Variants in PRKAR2A observed in about 807,000 individuals in gnomAD.
The protein encoded by PRKAR2A is cAMP-dependent protein kinase type II-alpha regulatory subunit.
In PRKAR2A, 29 loss-of-function variants were observed where a neutral mutation model predicts 51.9. That is an observed-to-expected ratio of 0.56 (90% CI 0.42 to 0.76). The LOEUF (loss-of-function observed/expected upper bound fraction) is 0.76. Among genes scored for constraint, PRKAR2A ranks in the 30% least tolerant of loss-of-function variants. The probability of loss-of-function intolerance (pLI) is 0.00; values close to 1 mark genes in which losing one functional copy is unlikely to be tolerated. For missense variants in PRKAR2A, 445 were observed against 512.1 expected, an observed-to-expected ratio of 0.87 and a Z score of 1.26; for synonymous variants, 178 against 186.2, an observed-to-expected ratio of 0.96 and a Z score of 0.36.
At chr3:48,767,510 C>T (rs1267815630) in intron 6 of PRKAR2A, among the ~76,000 whole-genome samples, 3 of 151,776 alleles carry the variant, frequency 2.0e-5, no homozygotes, top group African/African-American at 7.2e-5. Flanking sequence ...ATATTTTAGG[C>T]TGTGTGTGGT....
At chr3:48,791,285 TA>T (rs35380085) in intron 3 of PRKAR2A, among the ~76,000 whole-genome samples, 345 of 43,772 alleles carry the variant, frequency 7.9e-3, no homozygotes, top group African/African-American at 0.012. Context: ...GATTCCATCT[TA>T]AAAAAAAAAA....
At chr3:48,790,050 CTT>C (rs1381717215) in intron 4 of PRKAR2A, among the ~76,000 whole-genome samples, 1 of 151,824 alleles carries the variant, frequency 6.6e-6, no homozygotes. Context: ...TTCTCTTGTG[CTT>C]TGGGGCCATT....
chr3:48,789,963 T>G (rs1425199759), intron 4 of PRKAR2A, among the ~76,000 whole-genome samples: 1 of 152,054 alleles, frequency 6.6e-6, no homozygotes, highest in Non-Finnish European at 1.5e-5. Flanking sequence ...CTTTCTTTCC[T>G]TAAGTTTCTC....
intron 9 of PRKAR2A, 35 bp from the exon 10 acceptor site, chr3:48,752,352 C>T (rs372898163): frequency 1.9e-6 from 3 of 1,603,602 alleles, no homozygotes; most frequent in Non-Finnish European, 2.6e-6. Context: ...TAGGCTGACT[C>T]CAGGATCACA....
intron 1 of PRKAR2A, among the ~76,000 whole-genome samples, chr3:48,833,678 T>G (rs1349743109): frequency 1.4e-5 from 2 of 145,148 alleles, no homozygotes; most frequent in Non-Finnish European, 3.0e-5. Flanking sequence ...CCATTGCACT[T>G]CAGCCTGGGC....
chr3:48,766,552 G>A (rs937225419), intron 6 of PRKAR2A, among the ~76,000 whole-genome samples: 1 of 151,836 alleles, frequency 6.6e-6, no homozygotes, highest in African/African-American at 2.4e-5. Context: ...GGTGACATAA[G>A]TTGAAACTGT....
intron 2 of PRKAR2A, 75 bp from the exon 3 acceptor site, chr3:48,794,124 T>C: frequency 2.9e-6 from 3 of 1,034,032 alleles, no homozygotes; most frequent in Non-Finnish European, 4.3e-6. Context: ...GGAAGTGAAC[T>C]CAATTTTCTT....
At position 48,791,371 on chromosome 3, in the gene PRKAR2A, C is replaced by T. The variant is rs7429676; in HGVS notation, c.352-744G>A. ...CAGCACTTTGGTAGGCTGAGGCAGGCGGATCACAAGGTCAGGAGTTTGAGA... is the reference window on the plus strand; with the variant it reads ...CAGCACTTTGGTAGGCTGAGGCAGGTGGATCACAAGGTCAGGAGTTTGAGA... On this transcript the variant is annotated intron_variant, in intron 3 of 10. Coordinates refer to ENST00000265563, the MANE Select transcript of PRKAR2A (RefSeq NM_004157.4). 7.2e-3 allele frequency among the ~76,000 whole-genome samples: 1,017 copies of T among 141,452 alleles called. 9 individuals are homozygous for T. The highest frequency in any genetic ancestry group is 0.026 in the African/African-American group (969 of 37,486). The allele number at this position is 141,452 out of a possible 152,430, so 92.8% of individuals were successfully genotyped here.
rs187085204 is a variant in PRKAR2A at position 48,761,915 on chromosome 3, G to A, written c.873+3089C>T. On this transcript the variant is annotated intron_variant, in intron 8 of 10. Coordinates refer to ENST00000265563, the MANE Select transcript of PRKAR2A (RefSeq NM_004157.4). ...TGGGATTACAGGCGTGAGCCACCCT[G>A]CCTGACCAAAAATTTTTAAAATTAC... is the stretch of plus-strand genomic sequence containing the variant. 2.0e-5 allele frequency among the ~76,000 whole-genome samples: 3 copies of A among 152,212 alleles called. No homozygotes were observed. The East Asian group carries it at 5.8e-4, about 29-fold the overall frequency.
intron 1 of PRKAR2A, among the ~76,000 whole-genome samples, chr3:48,841,869 C>A (rs1239587725): frequency 6.6e-6 from 1 of 151,920 alleles, no homozygotes; most frequent in Non-Finnish European, 1.5e-5. Context: ...ACCTGAGACA[C>A]CAAAAATACT....
intron 8 of PRKAR2A, among the ~76,000 whole-genome samples, chr3:48,761,248 C>CT (rs1319366051): frequency 1.3e-5 from 2 of 152,102 alleles, no homozygotes; most frequent in Non-Finnish European, 2.9e-5. Context: ...CACCACTGCA[C>CT]TCTAGCCTGG....
At chr3:48,767,710 G>A (rs1207898743) in intron 6 of PRKAR2A, among the ~76,000 whole-genome samples, 1 of 150,126 alleles carries the variant, frequency 6.7e-6, no homozygotes, top group Non-Finnish European at 1.5e-5. Flanking sequence ...GGATCACAAG[G>A]TCAGGAGATC....
chr3:48,829,705 T>TG (rs2083145521), intron 1 of PRKAR2A, among the ~76,000 whole-genome samples: 13 of 83,364 alleles, frequency 1.6e-4, no homozygotes, highest in Middle Eastern at 6.3e-3. Flanking sequence ...TGTGTATATA[T>TG]TCTTATACGT....
chr3:48,779,118 T>C (rs917793244), intron 5 of PRKAR2A, among the ~76,000 whole-genome samples: 3 of 152,028 alleles, frequency 2.0e-5, no homozygotes, highest in Non-Finnish European at 4.4e-5. Context: ...TGAGCCACCG[T>C]GCCCGGCCTA....
At chr3:48,806,478 G>GT (rs529431479) in intron 2 of PRKAR2A, among the ~76,000 whole-genome samples, 76 of 148,886 alleles carry the variant, frequency 5.1e-4, no homozygotes, top group East Asian at 2.7e-3. Context: ...AACAATCATT[G>GT]TTTTTTTTTT....
intron 5 of PRKAR2A, among the ~76,000 whole-genome samples, chr3:48,781,255 G>GC (rs1371911243): frequency 1.3e-5 from 2 of 150,824 alleles, no homozygotes; most frequent in African/African-American, 4.9e-5. Flanking sequence ...CAAAATGCTA[G>GC]CATTACAGGT....
At chr3:48,760,993 C>T (rs2081856076) in intron 8 of PRKAR2A, among the ~76,000 whole-genome samples, 1 of 151,732 alleles carries the variant, frequency 6.6e-6, no homozygotes, top group Non-Finnish European at 1.5e-5. Flanking sequence ...TTCTAATAAA[C>T]AAAAACAAGG....
chr3:48,847,217 A>C lies in PRKAR2A; in HGVS notation c.262+118T>G. The C allele has an allele frequency of 7.8e-7, 1 of 1,289,336 alleles. No homozygotes were observed. Among genetic ancestry groups the C allele is most frequent in the South Asian group, 1.5e-5 (1 of 66,642 alleles). The allele number at this position is 1,289,336 out of a possible 1,614,324, so 79.9% of individuals were successfully genotyped here. On this transcript the variant is annotated intron_variant, in intron 1 of 10. Coordinates refer to ENST00000265563, the MANE Select transcript of PRKAR2A (RefSeq NM_004157.4). The surrounding 1 kb of genome is among the most constrained non-coding windows in gnomAD (Gnocchi z 4.4). ...GGAAACGCTAGAAACGCGGCTACAG[A>C]GCTCCCAATCCCAGCCTGCGGTCGG... is the stretch of plus-strand genomic sequence containing the variant.
chr3:48,846,000 A>C (rs1377169932), intron 1 of PRKAR2A, among the ~76,000 whole-genome samples: 1 of 151,296 alleles, frequency 6.6e-6, no homozygotes, highest in Non-Finnish European at 1.5e-5. Flanking sequence ...GAGGGGAGGG[A>C]CAGTCTCCAA....
Sources: allele counts gnomAD v4.1 joint callset (sites outside exome capture counted in the v4.1 genomes callset), GRCh38; gene constraint gnomAD v4.1.1; non-coding constraint Gnocchi (gnomAD v3.1); transcripts MANE v1.5; gene names NCBI Gene and HGNC (gene_info 2026-07-23, HGNC 2026-07-21).